SH3BGRL2: variants seen among roughly 807,000 people sequenced by gnomAD.
The protein encoded by SH3BGRL2 is SH3 domain binding glutamate rich protein like 2, also known as SH3 domain-binding glutamic acid-rich-like protein 2.
In SH3BGRL2, 21 loss-of-function variants were observed where a neutral mutation model predicts 14.8. The ratio of observed to expected loss-of-function variants is 1.42; its 90% confidence interval spans 1.01 to 2.05. SH3BGRL2 has a LOEUF of 2.05. SH3BGRL2 is among the 30% of genes most tolerant of loss of function. The pLI, the probability that SH3BGRL2 is intolerant of heterozygous loss-of-function variation, is 0.00. For synonymous variants in SH3BGRL2, 50 were observed against 47.8 expected (o/e 1.05, Z -0.19); for missense variants, 147 against 130.8 (o/e 1.12, Z -0.61).
the SH3BGRL2 span, among the ~76,000 whole-genome samples, chr6:79,558,776 G>T: frequency 3.9e-5 from 6 of 152,250 alleles, no homozygotes; most frequent in South Asian, 1.0e-3. Flanking sequence ...TCAAATGTTG[G>T]TCTCTGATGC....
intron 1 of SH3BGRL2, among the ~76,000 whole-genome samples, chr6:79,651,691 C>T (rs1769299575): frequency 6.6e-6 from 1 of 152,144 alleles, no homozygotes; most frequent in Non-Finnish European, 1.5e-5. Flanking sequence ...TGCACATTGT[C>T]TTCATCCTCC....
At chr6:79,543,373 A>T in the SH3BGRL2 span, among the ~76,000 whole-genome samples, 1 of 152,182 alleles carries the variant, frequency 6.6e-6, no homozygotes, top group Non-Finnish European at 1.5e-5. Flanking sequence ...GGTTGTAGCT[A>T]ACCTATTGGA....
chr6:79,568,954 A>C, the SH3BGRL2 span, among the ~76,000 whole-genome samples: 10 of 152,166 alleles, frequency 6.6e-5, no homozygotes, highest in African/African-American at 2.2e-4. Context: ...GAATATTGGA[A>C]GAGATTTATT....
chr6:79,651,276 A>G (rs1769289053), intron 1 of SH3BGRL2, among the ~76,000 whole-genome samples: 1 of 152,222 alleles, frequency 6.6e-6, no homozygotes, highest in African/African-American at 2.4e-5. Context: ...GGTCTTCTAC[A>G]AAGTATCCTC....
chr6:79,666,652 A>G (rs1769665632), intron 1 of SH3BGRL2, among the ~76,000 whole-genome samples: 3 of 152,174 alleles, frequency 2.0e-5, no homozygotes. Context: ...GGAAGAATCA[A>G]CTTAGGGCCT....
At chr6:79,574,465 C>T in the SH3BGRL2 span, 6 of 152,268 alleles carry the variant, frequency 3.9e-5, no homozygotes, top group Middle Eastern at 3.4e-3. Flanking sequence ...TGTTGCTATT[C>T]AATTGCCTTC....
At chr6:79,586,297 A>G in the SH3BGRL2 span, among the ~76,000 whole-genome samples, 1 of 111,802 alleles carries the variant, frequency 8.9e-6, no homozygotes, top group African/African-American at 3.6e-5. Flanking sequence ...TGTATTTTAC[A>G]TGTGGCCCAA....
intron 1 of SH3BGRL2, among the ~76,000 whole-genome samples, chr6:79,644,113 G>A (rs138382206): frequency 6.6e-6 from 1 of 152,190 alleles, no homozygotes; most frequent in African/African-American, 2.4e-5. Context: ...TGCTGTGGAG[G>A]TGTGCGCCCT....
intron 1 of SH3BGRL2, among the ~76,000 whole-genome samples, chr6:79,631,770 C>T (rs1399017205): frequency 6.6e-6 from 1 of 152,230 alleles, no homozygotes; most frequent in Non-Finnish European, 1.5e-5. Context: ...CCGAGGGAAG[C>T]CCCCAGCTCC....
At chr6:79,676,641 A>G (rs2812705) in intron 2 of SH3BGRL2, among the ~76,000 whole-genome samples, 41,875 of 99,092 alleles carry the variant, frequency 0.42, 6,487 homozygotes, top group East Asian at 0.64. Flanking sequence ...GTGTGTGTGT[A>G]TATATATATA....
At chr6:79,600,498 C>T in the SH3BGRL2 span, among the ~76,000 whole-genome samples, 4 of 152,240 alleles carry the variant, frequency 2.6e-5, no homozygotes, top group East Asian at 7.7e-4. Flanking sequence ...ACACTCTGCC[C>T]CTTGCTCTGC....
At chr6:79,541,939 A>C in the SH3BGRL2 span, among the ~76,000 whole-genome samples, 1 of 152,168 alleles carries the variant, frequency 6.6e-6, no homozygotes, top group African/African-American at 2.4e-5. Context: ...AGATTAACCA[A>C]ATTTTGTTAT....
At chr6:79,555,395 A>T in the SH3BGRL2 span, among the ~76,000 whole-genome samples, 1 of 152,178 alleles carries the variant, frequency 6.6e-6, no homozygotes, top group African/African-American at 2.4e-5. Flanking sequence ...GGTTGCAGCA[A>T]GCCAAGATGG....
At chr6:79,669,456 T>C (rs1185702822) in intron 1 of SH3BGRL2, among the ~76,000 whole-genome samples, 1 of 149,172 alleles carries the variant, frequency 6.7e-6, no homozygotes, top group Non-Finnish European at 1.5e-5. Context: ...TATATTCTTT[T>C]TTTTTTTTTT....
At chr6:79,638,144 A>C (rs1768962719) in intron 1 of SH3BGRL2, among the ~76,000 whole-genome samples, 2 of 152,168 alleles carry the variant, frequency 1.3e-5, no homozygotes, top group Admixed American at 1.3e-4. Flanking sequence ...TCTCATAGCT[A>C]TCTGGAAATA....
upstream of SH3BGRL2, among the ~76,000 whole-genome samples, chr6:79,627,548 GGA>G (rs1274622315): frequency 6.6e-6 from 1 of 152,148 alleles, no homozygotes; most frequent in Non-Finnish European, 1.5e-5. Context: ...ATTTGCCAAA[GGA>G]GAGTCTCATT....
intron 1 of SH3BGRL2, among the ~76,000 whole-genome samples, chr6:79,641,821 A>G (rs1769038992): frequency 6.6e-6 from 1 of 152,206 alleles, no homozygotes; most frequent in East Asian, 1.9e-4. Flanking sequence ...TATATACAGT[A>G]CATACTACTT....
chr6:79,549,838 A>C, the SH3BGRL2 span, among the ~76,000 whole-genome samples: 1 of 152,220 alleles, frequency 6.6e-6, no homozygotes, highest in African/African-American at 2.4e-5. Context: ...CCACAAACAA[A>C]TAAGAATTCT....
At chr6:79,610,797 A>G in the SH3BGRL2 span, among the ~76,000 whole-genome samples, 3 of 152,166 alleles carry the variant, frequency 2.0e-5, no homozygotes, top group Non-Finnish European at 4.4e-5. Flanking sequence ...CTTACATTGA[A>G]CGTCCTGGCT....
Sources: allele counts gnomAD v4.1 joint callset (sites outside exome capture counted in the v4.1 genomes callset), GRCh38; gene constraint gnomAD v4.1.1; transcripts MANE v1.5; gene names NCBI Gene and HGNC (gene_info 2026-07-23, HGNC 2026-07-21).